The following EIF4EBP2 variants were observed in gnomAD, a reference collection of about 807,000 sequenced individuals.
EIF4EBP2 encodes eukaryotic translation initiation factor 4E binding protein 2, also known as eukaryotic translation initiation factor 4E-binding protein 2.
Under a neutral mutation model 10.3 loss-of-function variants are expected in EIF4EBP2, and 5 were observed. The ratio of observed to expected loss-of-function variants is 0.48; its 90% confidence interval spans 0.25 to 1.02. The LOEUF (loss-of-function observed/expected upper bound fraction) is 1.02. Among genes scored for constraint, EIF4EBP2 ranks in the 50% least tolerant of loss-of-function variants. The pLI, the probability that EIF4EBP2 is intolerant of heterozygous loss-of-function variation, is 0.15. For missense variants in EIF4EBP2, 188 were observed against 162.2 expected, an observed-to-expected ratio of 1.16 and a Z score of -0.86; for synonymous variants, 67 against 61.1, an observed-to-expected ratio of 1.10 and a Z score of -0.45.
Position 70,404,565 on chromosome 10 carries a change from T to TCCGCCGCGCCCGGTGTC in EIF4EBP2, c.145+28_145+44dup. On this transcript the variant is annotated intron_variant, in intron 1 of 2. Transcript: ENST00000373218. Reference sequence around the variant, plus strand: ...CCGGGAGGTGAGCGCCGGCCAGCCGTCCGCCGCGCCCGGTGTCCCGCCGCG... The same window carrying TCCGCCGCGCCCGGTGTC: ...CCGGGAGGTGAGCGCCGGCCAGCCGTCCGCCGCGCCCGGTGTCCCGCCGCGCCCGGTGTCCCGCCGCG... 1 of 1,522,888 alleles carries TCCGCCGCGCCCGGTGTC rather than the reference T, an allele frequency of 6.6e-7. No homozygotes were observed. Among genetic ancestry groups the TCCGCCGCGCCCGGTGTC allele is most frequent in the Non-Finnish European group, 8.8e-7 (1 of 1,139,488 alleles). 94.3% of individuals were successfully genotyped at this position (1,522,888 alleles called of 1,614,324 possible).
chr10:70,407,116 C>CTTTTTTTTTTTT (rs35260368), intron 1 of EIF4EBP2, among the ~76,000 whole-genome samples: 1 of 136,790 alleles, frequency 7.3e-6, no homozygotes, highest in African/African-American at 2.7e-5. Context: ...CCAGGATGGT[C>CTTTTTTTTTTTT]TTTTTTTTTT....
At chr10:70,415,091 T>C (rs183881235) in intron 1 of EIF4EBP2, among the ~76,000 whole-genome samples, 635 of 149,826 alleles carry the variant, frequency 4.2e-3, no homozygotes, top group Non-Finnish European at 7.4e-3. Flanking sequence ...CCAGGAGGTG[T>C]AGGTTGCAGT....
At chr10:70,418,230 A>G (rs1287116402) in intron 1 of EIF4EBP2, among the ~76,000 whole-genome samples, 1 of 152,180 alleles carries the variant, frequency 6.6e-6, no homozygotes, top group East Asian at 1.9e-4. Context: ...GCAGCTACCT[A>G]CAAGCCAGGA....
At chr10:70,420,904 C>T (rs1845149428) in intron 2 of EIF4EBP2, among the ~76,000 whole-genome samples, 1 of 152,158 alleles carries the variant, frequency 6.6e-6, no homozygotes, top group African/African-American at 2.4e-5. Context: ...ACGCCATTCT[C>T]CTGCCTCAGC....
Position 70,419,969 on chromosome 10 carries a change from G to C in EIF4EBP2, c.201G>C (p.Met67Ile), listed in dbSNP as rs961997052. 10 of 1,604,572 alleles carry C rather than the reference G, an allele frequency of 6.2e-6. No individual in the cohort carries two copies. The highest frequency in any genetic ancestry group is 3.3e-4 in the Middle Eastern group (2 of 6,008). The change falls in exon 2 of 3, where the codon ATG becomes ATC. Residue 67 changes from methionine (M) to isoleucine (I), a missense_variant. Physicochemically the swap from Met to Ile is conservative, Grantham distance 10 (BLOSUM62 1). Coordinates refer to ENST00000373218, the MANE Select transcript of EIF4EBP2 (RefSeq NM_004096.5). ...KFLLDRRNSPMAQTPPCHLPN... is the reference protein window; with the variant it reads ...KFLLDRRNSPIAQTPPCHLPN... ...TGTTGGATCGTCGCAATTCTCCCATGGCTCAGACCCCACCCTGCCACCTGC... is the reference window on the plus strand; with the variant it reads ...TGTTGGATCGTCGCAATTCTCCCATCGCTCAGACCCCACCCTGCCACCTGC...
At chr10:70,420,162 T>C in intron 2 of EIF4EBP2, 63 bp downstream of exon 2, 2 of 1,471,564 alleles carry the variant, frequency 1.4e-6, no homozygotes, top group South Asian at 1.3e-5. Flanking sequence ...GTCTGTTTGC[T>C]GTAGGTTGAG....
intron 1 of EIF4EBP2, among the ~76,000 whole-genome samples, chr10:70,419,669 A>G (rs986588063): frequency 1.3e-5 from 2 of 152,034 alleles, no homozygotes; most frequent in Non-Finnish European, 2.9e-5. Context: ...GGCTTCATAA[A>G]GGAAGTGATG....
intron 1 of EIF4EBP2, among the ~76,000 whole-genome samples, chr10:70,414,357 A>G (rs1253081643): frequency 1.4e-5 from 2 of 142,362 alleles, no homozygotes; most frequent in Non-Finnish European, 3.2e-5. Context: ...CTAAAATTCA[A>G]AAACTTATAA....
intron 1 of EIF4EBP2, among the ~76,000 whole-genome samples, chr10:70,410,677 T>G (rs1845035065): frequency 6.6e-6 from 1 of 152,258 alleles, no homozygotes; most frequent in African/African-American, 2.4e-5. Context: ...AAACACTTTC[T>G]TTGTTAAGTC....
intron 2 of EIF4EBP2, 81 bp downstream of exon 2, chr10:70,420,180 T>C: frequency 7.2e-7 from 1 of 1,392,730 alleles, no homozygotes; most frequent in South Asian, 1.4e-5. Context: ...GAGAAGCTAT[T>C]GATTCTTCAG....
chr10:70,426,210 G>C lies in EIF4EBP2; in HGVS notation c.*4463G>C, dbSNP rs1272914361. On this transcript the variant is annotated 3_prime_UTR_variant, in exon 3 of 3. Transcript: ENST00000373218. ...GTTTCTGGCACTCATTCCTAACCAA[G>C]TCTTTAGAGATTTCAGATGACCTTA... The C allele has an allele frequency of 6.6e-6, 1 of 152,152 alleles. No individual in the cohort carries two copies. The highest frequency in any genetic ancestry group is 1.5e-5 in the Non-Finnish European group (1 of 68,006). 9.4% of individuals were successfully genotyped at this position (152,152 alleles called of 1,614,324 possible). A position where few individuals can be genotyped will look rare whatever the true frequency, so the allele number is the denominator to read the frequency against.
rs1427892255 is a variant in EIF4EBP2, at chr10:70,426,559, G to T, written c.*4812G>T. 1 of 152,196 alleles carries T rather than the reference G, an allele frequency of 6.6e-6. No individual in the cohort carries two copies. Among genetic ancestry groups the T allele is most frequent in the Non-Finnish European group, 1.5e-5 (1 of 68,056 alleles). The allele number at this position is 152,196 out of a possible 1,614,324, so 9.4% of individuals were successfully genotyped here. ...CCCAAAGTGCTGGGATTACAGGCGC[G>T]AGCCACCGCGCCTGGCCAAAGATGC... is the stretch of plus-strand genomic sequence containing the variant. On this transcript the variant is annotated 3_prime_UTR_variant, in exon 3 of 3. Coordinates refer to ENST00000373218, the MANE Select transcript of EIF4EBP2 (RefSeq NM_004096.5).
rs1157148653 is a variant in EIF4EBP2 at position 70,424,594 on chromosome 10, T to A, written c.*2847T>A. ...AATGAATAATGTGTCCGGGGTTTTT[T>A]AGAGAGAAGGAGCACTCTTAAGTTA... On this transcript the variant is annotated 3_prime_UTR_variant, in exon 3 of 3. Coordinates refer to ENST00000373218, the MANE Select transcript of EIF4EBP2 (RefSeq NM_004096.5). 6.6e-6 allele frequency: 1 copy of A among 152,244 alleles called. No homozygotes were observed. The highest frequency in any genetic ancestry group is 2.4e-5 in the African/African-American group (1 of 41,470). The allele number at this position is 152,244 out of a possible 1,614,324, so 9.4% of individuals were successfully genotyped here. A position where few individuals can be genotyped will look rare whatever the true frequency, so the allele number is the denominator to read the frequency against.
intron 1 of EIF4EBP2, among the ~76,000 whole-genome samples, chr10:70,417,043 TAGAC>T (rs1845104886): frequency 6.6e-6 from 1 of 152,214 alleles, no homozygotes; most frequent in African/African-American, 2.4e-5. Context: ...TTATTCATAA[TAGAC>T]AAAAAGTGGA....
rs1241652121 is a variant in EIF4EBP2 at position 70,422,557 on chromosome 10, C to G, written c.*810C>G. On this transcript the variant is annotated 3_prime_UTR_variant, in exon 3 of 3. Coordinates refer to ENST00000373218, the MANE Select transcript of EIF4EBP2 (RefSeq NM_004096.5). ...ACTCCTCCCTGCTTGCATCTCGTTGCTGGCAGAGTCCTCTTGTACTTCAAG... is the reference window on the plus strand; with the variant it reads ...ACTCCTCCCTGCTTGCATCTCGTTGGTGGCAGAGTCCTCTTGTACTTCAAG... The G allele has an allele frequency of 2.6e-5, 4 of 152,162 alleles. No homozygotes were observed. Among genetic ancestry groups the G allele is most frequent in the African/African-American group, 7.2e-5 (3 of 41,426 alleles). 9.4% of individuals were successfully genotyped at this position (152,162 alleles called of 1,614,324 possible).
intron 1 of EIF4EBP2, among the ~76,000 whole-genome samples, chr10:70,405,773 C>G (rs1844959472): frequency 1.3e-5 from 2 of 151,964 alleles, no homozygotes; most frequent in Admixed American, 1.3e-4. Context: ...GGGATAAAAT[C>G]TAGGAGGGAG....
At chr10:70,416,510 C>T (rs531510511) in intron 1 of EIF4EBP2, among the ~76,000 whole-genome samples, 91 of 140,816 alleles carry the variant, frequency 6.5e-4, no homozygotes, top group African/African-American at 2.2e-3. Flanking sequence ...ACCCAGGAGG[C>T]GGAGGTTGCA....
At chr10:70,410,533 CTG>C (rs1845033501) in intron 1 of EIF4EBP2, among the ~76,000 whole-genome samples, 1 of 152,230 alleles carries the variant, frequency 6.6e-6, no homozygotes, top group African/African-American at 2.4e-5. Context: ...TTTCAGGAGT[CTG>C]TCTCTTCATC....
intron 2 of EIF4EBP2, among the ~76,000 whole-genome samples, chr10:70,421,061 C>T (rs1014142176): frequency 3.3e-5 from 5 of 152,170 alleles, no homozygotes; most frequent in Non-Finnish European, 7.3e-5. Flanking sequence ...TCCCAAAGTG[C>T]TGAGATTACA....
Sources: gnomAD v4.1 joint callset for allele counts (sites outside exome capture counted in the v4.1 genomes callset) on GRCh38, gnomAD v4.1.1 for gene constraint, MANE v1.5 for transcripts, NCBI Gene and HGNC (gene_info 2026-07-23, HGNC 2026-07-21) for gene names.